Variants in MPDZ observed in about 807,000 individuals in gnomAD.
MPDZ encodes multiple PDZ domain protein.
A neutral mutation model predicts 239.1 loss-of-function variants in MPDZ; 234 were observed. The observed-to-expected ratio is 0.98, with a 90% CI of 0.88 to 1.09. The LOEUF (loss-of-function observed/expected upper bound fraction) is 1.09, where lower values mean the gene tolerates loss of function less well. Among genes scored for constraint, MPDZ ranks in the 50% least tolerant of loss-of-function variants. The pLI is 0.00. For missense variants in MPDZ, 3,175 were observed against 2,510.0 expected (o/e 1.26, Z -5.66); for synonymous variants, 1,048 against 881.3 (o/e 1.19, Z -3.35).
At chr9:13,179,588 A>G (rs1328682003) in intron 19 of MPDZ, among the ~76,000 whole-genome samples, 1 of 152,130 alleles carries the variant, frequency 6.6e-6, no homozygotes, top group Non-Finnish European at 1.5e-5. Context: ...TTGTGGATCT[A>G]AAAGAAAAAC....
At chr9:13,171,696 A>T (rs545861853) in intron 21 of MPDZ, among the ~76,000 whole-genome samples, 1 of 152,296 alleles carries the variant, frequency 6.6e-6, no homozygotes, top group Admixed American at 6.5e-5. Flanking sequence ...TTTTCACTCT[A>T]AATTTAACAA....
intron 3 of MPDZ, among the ~76,000 whole-genome samples, chr9:13,230,194 A>T (rs1307067763): frequency 6.6e-6 from 1 of 152,292 alleles, no homozygotes; most frequent in East Asian, 1.9e-4. Flanking sequence ...TTGCTCAGAC[A>T]TTGCTGGTGG....
intron 46 of MPDZ, among the ~76,000 whole-genome samples, chr9:13,107,986 C>CT (rs1941769639): frequency 6.6e-6 from 1 of 151,970 alleles, no homozygotes; most frequent in East Asian, 1.9e-4. Flanking sequence ...ATACCGATAG[C>CT]TTTTTTAAAA....
Position 13,160,830 on chromosome 9 carries a change from TTATATATATATATATATATATA to T in MPDZ, c.3359+1839_3359+1860del, listed in dbSNP as rs58374268. The stretch of plus-strand genomic sequence containing the variant: ...CTTTTTTTTCTTGTCATTATTAAAA[TTATATATATATATATATATATA>T]TATATATATATATATATAAAACAGG... On this transcript the variant is annotated intron_variant, in intron 23 of 46. Coordinates refer to ENST00000319217, the MANE Select transcript of MPDZ (RefSeq NM_001378778.1). Among the ~76,000 whole-genome samples the T allele has an allele frequency of 4.6e-3, 173 of 37,992 alleles. 3 individuals are homozygous for T. The highest frequency in any genetic ancestry group is 9.5e-3 in the African/African-American group (129 of 13,546). 24.9% of individuals were successfully genotyped at this position (37,992 alleles called of 152,430 possible). A position where few individuals can be genotyped will look rare whatever the true frequency, so the allele number is the denominator to read the frequency against.
intron 3 of MPDZ, among the ~76,000 whole-genome samples, chr9:13,233,581 T>C (rs1402711195): frequency 6.6e-6 from 1 of 152,134 alleles, no homozygotes; most frequent in Admixed American, 6.6e-5. Context: ...GAGGGTTACA[T>C]GTATATTTAA....
chr9:13,166,247 G>T (rs1466176643), intron 22 of MPDZ, among the ~76,000 whole-genome samples: 2 of 152,114 alleles, frequency 1.3e-5, no homozygotes, highest in Non-Finnish European at 2.9e-5. Context: ...CTTTTGGGAA[G>T]ATTATTCACA....
chr9:13,114,248 T>G (rs2282019), intron 40 of MPDZ, among the ~76,000 whole-genome samples: 2,445 of 152,310 alleles, frequency 0.016, 118 homozygotes, highest in East Asian at 0.16. Context: ...TGAAATTGAT[T>G]CCAATCTACC....
intron 18 of MPDZ, among the ~76,000 whole-genome samples, chr9:13,184,796 AT>A (rs1199134518): frequency 6.6e-6 from 1 of 152,004 alleles, no homozygotes; most frequent in African/African-American, 2.4e-5. Context: ...CAATCAATTC[AT>A]TTATTTACTG....
intron 24 of MPDZ, among the ~76,000 whole-genome samples, chr9:13,156,630 G>A (rs774805949): frequency 6.6e-6 from 1 of 152,144 alleles, no homozygotes; most frequent in Non-Finnish European, 1.5e-5. Context: ...TGGGAATTAT[G>A]GGAGCTACAA....
At chr9:13,217,080 C>T (rs1216225707) in intron 9 of MPDZ, 100 bp downstream of exon 9, 3 of 933,666 alleles carry the variant, frequency 3.2e-6, no homozygotes, top group Non-Finnish European at 4.8e-6. Flanking sequence ...ACCAGTTTAT[C>T]CAACAACCTG....
chr9:13,185,439 TCAAA>T (rs1470831523), intron 18 of MPDZ, among the ~76,000 whole-genome samples: 3 of 152,064 alleles, frequency 2.0e-5, no homozygotes, highest in Non-Finnish European at 4.4e-5. Context: ...CTAATGAAAC[TCAAA>T]CAAGTATTTA....
Position 13,109,129 on chromosome 9 carries a change from A to C in MPDZ, c.5943-70T>G. ...AAACTATACATATATGTTATGAATT[A>C]TCTGACATCCACCTAGAGCTAGCAT... On this transcript the variant is annotated intron_variant, in intron 45 of 46. Coordinates refer to ENST00000319217, the MANE Select transcript of MPDZ (RefSeq NM_001378778.1). The C allele has an allele frequency of 2.6e-6, 3 of 1,141,440 alleles. No individual in the cohort carries two copies. The South Asian group carries it at 1.2e-4, about 44-fold the overall frequency. 70.7% of individuals were successfully genotyped at this position (1,141,440 alleles called of 1,614,324 possible). A position where few individuals can be genotyped will look rare whatever the true frequency, so the allele number is the denominator to read the frequency against.
At chr9:13,190,966 C>G (rs934642973) in intron 15 of MPDZ, among the ~76,000 whole-genome samples, 5 of 152,152 alleles carry the variant, frequency 3.3e-5, no homozygotes, top group African/African-American at 1.2e-4. Context: ...AATAGGGATT[C>G]AAAATACTAG....
At chr9:13,275,595 G>C (rs890781647) in intron 1 of MPDZ, among the ~76,000 whole-genome samples, 4 of 152,186 alleles carry the variant, frequency 2.6e-5, no homozygotes, top group South Asian at 2.1e-4. Context: ...AAGTGGCTTT[G>C]GAACTGGGTA....
At position 13,112,155 on chromosome 9, in the gene MPDZ, G is replaced by C; in HGVS notation, c.5602-9C>G. On this transcript the variant is annotated splice_polypyrimidine_tract_variant and intron_variant, in intron 42 of 46. Transcript: ENST00000319217. ...AGTGAGTCAGTAGGGCCCTGCCATG[G>C]AACAGATATAAAATTTTGGTCAAAG... is the stretch of plus-strand genomic sequence containing the variant. 1.9e-6 allele frequency: 3 copies of C among 1,600,150 alleles called. No homozygotes were observed. Among genetic ancestry groups the C allele is most frequent in the Non-Finnish European group, 2.6e-6 (3 of 1,172,742 alleles).
intron 19 of MPDZ, among the ~76,000 whole-genome samples, chr9:13,181,690 T>G (rs1187121786): frequency 6.6e-6 from 1 of 152,214 alleles, no homozygotes; most frequent in Non-Finnish European, 1.5e-5. Context: ...CAGACTTCGG[T>G]AAGCCAATAT....
chr9:13,136,716 T>C lies in MPDZ; in HGVS notation c.4288A>G (p.Ile1430Val), dbSNP rs765489877. The C allele has an allele frequency of 3.6e-5, 56 of 1,564,634 alleles. No individual in the cohort carries two copies. Among genetic ancestry groups the C allele is most frequent in the Non-Finnish European group, 4.8e-5 (55 of 1,144,188 alleles). ...CAPSKVKIIF[I>V]RNKDAVNQMA... ...CTAGCAAAAGAAAATGATCACCTGA[T>C]AAAAATTATTTTCACTTTAGAAGGG... Residue 1430 changes from isoleucine (I) to valine (V), a missense_variant, in exon 30 of 47, where the codon ATC (isoleucine) becomes GTC (valine). Physicochemically the swap from Ile to Val is conservative, Grantham distance 29. Transcript: ENST00000319217.
intron 39 of MPDZ, 85 bp from the exon 40 acceptor site, chr9:13,115,419 G>A (rs1002958359): frequency 2.6e-6 from 3 of 1,170,820 alleles, no homozygotes; most frequent in Non-Finnish European, 3.8e-6. Flanking sequence ...TACTCTTCAA[G>A]ACTTTTTTGA....
chr9:13,150,163 A>C (rs577521810), intron 25 of MPDZ, among the ~76,000 whole-genome samples: 1 of 152,214 alleles, frequency 6.6e-6, no homozygotes, highest in South Asian at 2.1e-4. Context: ...TTCAAACAGA[A>C]CATAATTATT....
Sources: gnomAD v4.1 joint callset for allele counts (sites outside exome capture counted in the v4.1 genomes callset) on GRCh38, gnomAD v4.1.1 for gene constraint, MANE v1.5 for transcripts, NCBI Gene and HGNC (gene_info 2026-07-23, HGNC 2026-07-21) for gene names.